The following FNDC3B variants were observed in gnomAD, a reference collection of about 807,000 sequenced individuals.
The protein encoded by FNDC3B is fibronectin type III domain containing 3B.
In FNDC3B, 12 loss-of-function variants were observed where a neutral mutation model predicts 151.5. That is an observed-to-expected ratio of 0.08 (90% CI 0.05 to 0.13). The LOEUF is 0.13. Ranked by LOEUF, FNDC3B falls within the 10% of genes least tolerant of loss-of-function variation. The pLI, the probability that FNDC3B is intolerant of heterozygous loss-of-function variation, is 1.00. For synonymous variants in FNDC3B, 528 were observed against 549.0 expected, an observed-to-expected ratio of 0.96 and a Z score of 0.54; for missense variants, 1,214 against 1,505.3, an observed-to-expected ratio of 0.81 and a Z score of 3.20.
intron 11 of FNDC3B, among the ~76,000 whole-genome samples, chr3:172,311,946 G>T (rs1388353985): frequency 1.3e-5 from 2 of 151,638 alleles, no homozygotes; most frequent in East Asian, 1.9e-4. Context: ...TTATTCATTT[G>T]CCCCCACTTT....
intron 1 of FNDC3B, among the ~76,000 whole-genome samples, chr3:172,050,508 G>A (rs536760377): frequency 1.3e-5 from 2 of 151,242 alleles, no homozygotes; most frequent in African/African-American, 2.4e-5. Context: ...CTCAGCCTCC[G>A]GAGCAGCTGG....
chr3:172,291,460 A>G (rs1168916894), intron 7 of FNDC3B, among the ~76,000 whole-genome samples: 1 of 152,154 alleles, frequency 6.6e-6, no homozygotes, highest in Non-Finnish European at 1.5e-5. Context: ...ATAAATAGAC[A>G]GGAATGATTT....
At chr3:172,208,719 C>G (rs1312833189) in intron 3 of FNDC3B, among the ~76,000 whole-genome samples, 1 of 25,590 alleles carries the variant, frequency 3.9e-5, no homozygotes, top group Non-Finnish European at 8.5e-5. Context: ...TTCTTCTGCC[C>G]ACTTGGCCTG....
chr3:172,127,521 G>C (rs1720859644), intron 2 of FNDC3B, among the ~76,000 whole-genome samples: 1 of 151,352 alleles, frequency 6.6e-6, no homozygotes, highest in African/African-American at 2.4e-5. Context: ...CAGATGACAG[G>C]GATTCAATAA....
intron 20 of FNDC3B, 105 bp downstream of exon 20, chr3:172,346,545 ATTTTTT>A: frequency 2.2e-6 from 1 of 448,024 alleles, no homozygotes. Context: ...CATATAGATG[ATTTTTT>A]TTTTTTTTTT....
intron 9 of FNDC3B, chr3:172,302,237 C>T (rs1576889767): frequency 1.3e-5 from 2 of 152,352 alleles, no homozygotes; most frequent in East Asian, 1.9e-4. Flanking sequence ...TGAGTTCACC[C>T]ATCAGACACA....
At chr3:172,243,413 G>A (rs1239366929) in intron 4 of FNDC3B, among the ~76,000 whole-genome samples, 5 of 152,228 alleles carry the variant, frequency 3.3e-5, no homozygotes, top group African/African-American at 9.6e-5. Flanking sequence ...TCATGTGGGT[G>A]AGGAAGCCTC....
rs11294678 is a variant in FNDC3B, at chr3:172,244,617, C to CTTTTTTTT, written c.265-2898_265-2891dup. ...TACTATTTCAGAATTAATATTTCAC[C>CTTTTTTTT]TTTTTTTTTTTTTTTTTTTTTTTTT... On this transcript the variant is annotated intron_variant, in intron 4 of 25. Transcript: ENST00000415807. Among the ~76,000 whole-genome samples, 70 of 73,084 alleles carry CTTTTTTTT rather than the reference C, an allele frequency of 9.6e-4. 1 individual carries two copies. Among genetic ancestry groups the CTTTTTTTT allele is most frequent in the East Asian group, 2.2e-3 (5 of 2,306 alleles). 47.9% of individuals were successfully genotyped at this position (73,084 alleles called of 152,430 possible).
At chr3:172,058,448 A>C (rs1358680990) in intron 1 of FNDC3B, among the ~76,000 whole-genome samples, 1 of 143,314 alleles carries the variant, frequency 7.0e-6, no homozygotes, top group East Asian at 2.0e-4. Context: ...GAGATCCTTA[A>C]TTTTCTTTTT....
At chr3:172,357,780 T>C (rs1177312240) in intron 22 of FNDC3B, among the ~76,000 whole-genome samples, 1 of 152,176 alleles carries the variant, frequency 6.6e-6, no homozygotes, top group African/African-American at 2.4e-5. Flanking sequence ...TTAGAAATAA[T>C]TAATGTTAGT....
At chr3:172,048,326 A>G (rs1035278133) in intron 1 of FNDC3B, among the ~76,000 whole-genome samples, 2 of 152,162 alleles carry the variant, frequency 1.3e-5, no homozygotes, top group South Asian at 4.1e-4. Flanking sequence ...TGTTTAAGTC[A>G]TTCAATGGGA....
intron 1 of FNDC3B, among the ~76,000 whole-genome samples, chr3:172,053,184 G>A (rs1036545922): frequency 1.3e-5 from 2 of 152,136 alleles, no homozygotes; most frequent in East Asian, 3.8e-4. Context: ...TTCTGTAGGT[G>A]TTTCTAGTGT....
At position 172,344,240 on chromosome 3, in the gene FNDC3B, G is replaced by T; in HGVS notation, c.2232G>T (p.Arg744Ser). The T allele has an allele frequency of 6.2e-7, 1 of 1,613,808 alleles. No homozygotes were observed. The highest frequency in any genetic ancestry group is 1.1e-5 in the South Asian group (1 of 91,052). ...LPGTVYRFRVRALNDGGYGPY... is the reference protein window; with the variant it reads ...LPGTVYRFRVSALNDGGYGPY... Reference sequence around the variant, plus strand: ...GAACCGTGTATCGCTTCCGGGTGAGGGCTCTGAATGATGGAGGGGTGAGTA... The same window carrying T: ...GAACCGTGTATCGCTTCCGGGTGAGTGCTCTGAATGATGGAGGGGTGAGTA... The change falls in exon 19 of 26, where the codon AGG becomes AGT. Residue 744 changes from arginine (R) to serine (S), a missense_variant. Physicochemically the swap from Arg to Ser is moderately radical, Grantham distance 110 (BLOSUM62 -1). Coordinates refer to ENST00000415807, the MANE Select transcript of FNDC3B (RefSeq NM_022763.4).
At chr3:172,154,070 C>T (rs1722363522) in intron 3 of FNDC3B, among the ~76,000 whole-genome samples, 1 of 152,144 alleles carries the variant, frequency 6.6e-6, no homozygotes, top group African/African-American at 2.4e-5. Context: ...TTGTTTCAGC[C>T]ACTACTGAAT....
In FNDC3B at chr3:172,269,943, G is replaced by A. The variant is rs576157516; in HGVS notation, c.791-15983G>A. Among the ~76,000 whole-genome samples, 301 of 152,246 alleles carry A rather than the reference G, an allele frequency of 2.0e-3. 1 individual carries two copies. The highest frequency in any genetic ancestry group is 3.1e-3 in the Non-Finnish European group (212 of 68,022). Reference sequence around the variant, plus strand: ...ATTACAGGCGTGAGCCACCGCACGCGGCCTAAATCTGTGCTTTTTTATAGG... The same window carrying A: ...ATTACAGGCGTGAGCCACCGCACGCAGCCTAAATCTGTGCTTTTTTATAGG... On this transcript the variant is annotated intron_variant, in intron 6 of 25. Transcript: ENST00000415807.
chr3:172,346,432 G>C lies in FNDC3B; in HGVS notation c.2356G>C (p.Gly786Arg). ...TACACCTGATGGATGTGTCTTAGTG[G>C]GTTGGGAGGTAAGTCAGGCATATTC... ...SCTPDGCVLV[G>R]WESPDSSGAD... The change falls in exon 20 of 26, where the codon GGT becomes CGT. Residue 786 changes from glycine to arginine, a missense_variant. By Grantham distance (125) the Gly-to-Arg change is moderately radical. This residue lies in a region of FNDC3B where 380 missense variants were observed against 420.9 expected (regional missense o/e 0.90). Transcript: ENST00000415807. 1 of 1,603,372 alleles carries C rather than the reference G, an allele frequency of 6.2e-7. No homozygotes were observed. Among genetic ancestry groups the C allele is most frequent in the Non-Finnish European group, 8.5e-7 (1 of 1,171,366 alleles).
intron 1 of FNDC3B, among the ~76,000 whole-genome samples, chr3:172,110,924 C>A (rs1051587264): frequency 9.9e-5 from 15 of 151,994 alleles, no homozygotes; most frequent in Middle Eastern, 3.4e-3. Context: ...CATGGCGAAA[C>A]CCTGTCTCTA....
intron 2 of FNDC3B, among the ~76,000 whole-genome samples, chr3:172,120,972 AAAC>A (rs563315896): frequency 8.9e-4 from 136 of 152,194 alleles, no homozygotes; most frequent in South Asian, 6.0e-3. Flanking sequence ...CTCAAAAAAA[AAAC>A]AACAACAACA....
In FNDC3B at chr3:172,352,055, G is replaced by C. The variant is rs576922404; in HGVS notation, c.2515-748G>C. 6.6e-6 allele frequency among the ~76,000 whole-genome samples: 1 copy of C among 152,126 alleles called. No individual in the cohort carries two copies. The highest frequency in any genetic ancestry group is 1.5e-5 in the Non-Finnish European group (1 of 68,042). The stretch of plus-strand genomic sequence containing the variant: ...CGACATCTCCAAATGTTTGAGTAGA[G>C]GTAGAAAAGAGGAGGTACCGAAGTA... On this transcript the variant is annotated intron_variant, in intron 21 of 25. Coordinates refer to ENST00000415807, the MANE Select transcript of FNDC3B (RefSeq NM_022763.4). The surrounding 1 kb of genome is among the most constrained non-coding windows in gnomAD (Gnocchi z 4.2).
Sources: allele counts gnomAD v4.1 joint callset (sites outside exome capture counted in the v4.1 genomes callset), GRCh38; gene constraint gnomAD v4.1.1; regional missense constraint gnomAD v4.1.1; non-coding constraint Gnocchi (gnomAD v3.1); transcripts MANE v1.5; gene names NCBI Gene and HGNC (gene_info 2026-07-23, HGNC 2026-07-21).